The following COX10 variants were observed in gnomAD, a reference collection of about 807,000 sequenced individuals.
COX10 encodes the protein cytochrome c oxidase assembly factor heme A:farnesyltransferase COX10.
COX10 carries 27 observed loss-of-function variants against 37.3 expected under a neutral mutation model. The observed-to-expected ratio is 0.72, with a 90% confidence interval of 0.53 to 1.00. The LOEUF (loss-of-function observed/expected upper bound fraction) is 1.00, where lower values mean the gene tolerates loss of function less well. Ranked by LOEUF, COX10 falls within the 50% of genes least tolerant of loss-of-function variation. The probability of loss-of-function intolerance (pLI) is 0.00; values close to 1 mark genes in which losing one functional copy is unlikely to be tolerated. For missense variants in COX10, 475 were observed against 563.2 expected, an observed-to-expected ratio of 0.84 and a Z score of 1.59; for synonymous variants, 222 against 229.1, an observed-to-expected ratio of 0.97 and a Z score of 0.28.
chr17:14,192,420 C>CAT (rs1448930457), intron 6 of COX10, among the ~76,000 whole-genome samples, 199 bp downstream of exon 6: 1 of 152,188 alleles, frequency 6.6e-6, no homozygotes, highest in African/African-American at 2.4e-5. Context: ...GTGCACATGA[C>CAT]ATACACTTTC....
chr17:14,201,985 C>G (rs1457235047), intron 6 of COX10, among the ~76,000 whole-genome samples: 2 of 152,176 alleles, frequency 1.3e-5, no homozygotes, highest in African/African-American at 2.4e-5. Context: ...TCAGTTGCAC[C>G]TGAGCATTCC....
chr17:14,130,340 C>A (rs995103750), intron 4 of COX10, among the ~76,000 whole-genome samples: 15 of 152,062 alleles, frequency 9.9e-5, no homozygotes, highest in African/African-American at 3.4e-4. Flanking sequence ...AGATTTGAAG[C>A]CCATCACTGC....
At chr17:14,193,168 G>A (rs1400063406) in intron 6 of COX10, among the ~76,000 whole-genome samples, 1 of 152,186 alleles carries the variant, frequency 6.6e-6, no homozygotes, top group Non-Finnish European at 1.5e-5. Context: ...CATCCATGTG[G>A]GAGGCAGTGT....
At chr17:14,074,296 T>C in intron 1 of COX10, 27 bp from the exon 2 acceptor site, 1 of 1,613,958 alleles carries the variant, frequency 6.2e-7, no homozygotes, top group Non-Finnish European at 8.5e-7. Flanking sequence ...TCATTTAACC[T>C]TTCTTCCACT....
chr17:14,198,339 G>A (rs1906430881), intron 6 of COX10, among the ~76,000 whole-genome samples: 2 of 152,146 alleles, frequency 1.3e-5, no homozygotes, highest in Admixed American at 1.3e-4. Context: ...GAGGCTTTGG[G>A]TTAAATCTGC....
At chr17:14,169,473 C>T (rs985121836) in intron 5 of COX10, among the ~76,000 whole-genome samples, 12 of 152,266 alleles carry the variant, frequency 7.9e-5, no homozygotes, top group Middle Eastern at 3.4e-3. Context: ...TTTGTAAGAG[C>T]ACCCCACTCC....
At chr17:14,125,507 G>A (rs559525373) in intron 4 of COX10, among the ~76,000 whole-genome samples, 346 of 152,230 alleles carry the variant, frequency 2.3e-3, no homozygotes, top group African/African-American at 8.1e-3. Context: ...AGAGCCAGAC[G>A]ATGAAATGCA....
chr17:14,119,334 CCTTTATTA>C (rs1916180452), intron 4 of COX10, among the ~76,000 whole-genome samples: 1 of 151,930 alleles, frequency 6.6e-6, no homozygotes, highest in African/African-American at 2.4e-5. Flanking sequence ...GTAATTTATG[CCTTTATTA>C]AAGCAATTTA....
At chr17:14,148,787 T>C (rs1019436695) in intron 4 of COX10, among the ~76,000 whole-genome samples, 13 of 152,100 alleles carry the variant, frequency 8.5e-5, no homozygotes, top group Non-Finnish European at 7.4e-5. Flanking sequence ...TTTTGTTATC[T>C]GTGTCATTTT....
At chr17:14,117,752 G>A (rs1036643636) in intron 4 of COX10, among the ~76,000 whole-genome samples, 1 of 152,186 alleles carries the variant, frequency 6.6e-6, no homozygotes, top group Non-Finnish European at 1.5e-5. Flanking sequence ...TTTGCTGTCT[G>A]CAGGCGGCTT....
intron 5 of COX10, among the ~76,000 whole-genome samples, chr17:14,161,947 C>T (rs1378511724): frequency 3.3e-5 from 5 of 152,160 alleles, no homozygotes; most frequent in Non-Finnish European, 5.9e-5. Flanking sequence ...GGTTCTGTAT[C>T]CCTGTAGAAC....
At chr17:14,163,212 T>C (rs2142241759) in intron 5 of COX10, among the ~76,000 whole-genome samples, 1 of 151,220 alleles carries the variant, frequency 6.6e-6, no homozygotes, top group Non-Finnish European at 1.5e-5. Context: ...CAAAATAACA[T>C]AGAAGCATGG....
chr17:14,161,623 C>A (rs1355153742), intron 5 of COX10, among the ~76,000 whole-genome samples: 5 of 152,138 alleles, frequency 3.3e-5, no homozygotes, highest in Non-Finnish European at 5.9e-5. Flanking sequence ...GGGTAACATC[C>A]AGCTGGCTGG....
In COX10 at chr17:14,133,880, A is replaced by C. The variant is rs115711033; in HGVS notation, c.625-25997A>C. Among the ~76,000 whole-genome samples the C allele has an allele frequency of 6.7e-3, 1,024 of 151,760 alleles. 12 individuals are homozygous for C. Among genetic ancestry groups the C allele is most frequent in the African/African-American group, 0.023 (966 of 41,522 alleles). On this transcript the variant is annotated intron_variant, in intron 4 of 6. Coordinates refer to ENST00000261643, the MANE Select transcript of COX10 (RefSeq NM_001303.4). ...GATTTTAGTCAGCTTGTCTTACTTT[A>C]TAGGGCATAAGTGAGATTATATGTT...
intron 5 of COX10, among the ~76,000 whole-genome samples, chr17:14,186,985 GTT>G (rs36094568): frequency 2.4e-4 from 36 of 148,792 alleles, no homozygotes; most frequent in Non-Finnish European, 3.6e-4. Flanking sequence ...TTATTTTAAG[GTT>G]TTTTTTTTTT....
rs76146050 is a variant in COX10, at chr17:14,165,514, C to T, written c.695+5567C>T. ...GTGGTTGTGTGTGTTTTGACTGCTC[C>T]ACCAACTGGCAGTTTCCCCATCTCT... On this transcript the variant is annotated intron_variant, in intron 5 of 6. Coordinates refer to ENST00000261643, the MANE Select transcript of COX10 (RefSeq NM_001303.4). 9.8e-4 allele frequency among the ~76,000 whole-genome samples: 149 copies of T among 152,288 alleles called. 1 individual carries two copies. The East Asian group carries it at 0.025, about 25-fold the overall frequency.
chr17:14,096,478 C>T (rs1321303641), intron 3 of COX10, among the ~76,000 whole-genome samples: 2 of 144,376 alleles, frequency 1.4e-5, no homozygotes, highest in Non-Finnish European at 3.0e-5. Flanking sequence ...ATGCTCAAGT[C>T]ATCCTCCCAC....
intron 3 of COX10, among the ~76,000 whole-genome samples, chr17:14,082,783 T>C (rs1915325017): frequency 6.6e-6 from 1 of 152,206 alleles, no homozygotes; most frequent in Non-Finnish European, 1.5e-5. Context: ...ATGGTGTGCT[T>C]GTTAAAACAG....
At chr17:14,165,629 A>C (rs1455151091) in intron 5 of COX10, among the ~76,000 whole-genome samples, 2 of 152,200 alleles carry the variant, frequency 1.3e-5, no homozygotes, top group East Asian at 3.9e-4. Context: ...TGTGTGTGCA[A>C]GTGAAAGGGA....
Sources: allele counts gnomAD v4.1 joint callset (sites outside exome capture counted in the v4.1 genomes callset), GRCh38; gene constraint gnomAD v4.1.1; transcripts MANE v1.5; gene names NCBI Gene and HGNC (gene_info 2026-07-23, HGNC 2026-07-21).